Variants in KIF27 observed in about 807,000 individuals in gnomAD.
The protein encoded by KIF27 is kinesin-like protein KIF27.
A neutral mutation model predicts 141.8 loss-of-function variants in KIF27; 84 were observed. That is an observed-to-expected ratio of 0.59 (90% CI 0.50 to 0.71). The LOEUF (loss-of-function observed/expected upper bound fraction) is 0.71, where lower values mean the gene tolerates loss of function less well. Among genes scored for constraint, KIF27 ranks in the 30% least tolerant of loss-of-function variants. KIF27 has a pLI of 0.00. For missense variants in KIF27, 1,306 were observed against 1,628.4 expected, an observed-to-expected ratio of 0.80 and a Z score of 3.41; for synonymous variants, 471 against 569.5, an observed-to-expected ratio of 0.83 and a Z score of 2.46.
chr9:83,894,271 C>T (rs1235563086), intron 5 of KIF27, among the ~76,000 whole-genome samples: 1 of 152,158 alleles, frequency 6.6e-6, no homozygotes, highest in Non-Finnish European at 1.5e-5. Context: ...CAATATCTGA[C>T]AAGAATACTA....
At position 83,865,665 on chromosome 9, in the gene KIF27, A is replaced by C. The variant is rs1419625859; in HGVS notation, c.2934+2019T>G. Among the ~76,000 whole-genome samples, 4 of 152,288 alleles carry C rather than the reference A, an allele frequency of 2.6e-5. No individual in the cohort carries two copies. The South Asian group carries it at 8.3e-4, about 32-fold the overall frequency. On this transcript the variant is annotated intron_variant, in intron 13 of 17. Transcript: ENST00000297814. ...TAATAACTTGTAGTTATTTATAGATAGTCATCTTTTACCACATTGAGGATA... is the reference window on the plus strand; with the variant it reads ...TAATAACTTGTAGTTATTTATAGATCGTCATCTTTTACCACATTGAGGATA...
At chr9:83,841,468 T>G (rs1023222114) in intron 17 of KIF27, among the ~76,000 whole-genome samples, 2 of 152,202 alleles carry the variant, frequency 1.3e-5, no homozygotes, top group Non-Finnish European at 2.9e-5. Flanking sequence ...CATCTTTAAG[T>G]AGTTTTCTTT....
At chr9:83,864,605 A>G (rs1218015545) in intron 13 of KIF27, among the ~76,000 whole-genome samples, 3 of 152,196 alleles carry the variant, frequency 2.0e-5, no homozygotes, top group Non-Finnish European at 2.9e-5. Context: ...TATGTGGTCA[A>G]TTTTGGAATA....
At position 83,837,112 on chromosome 9, in the gene KIF27, T is replaced by C. The variant is rs764214665; in HGVS notation, c.4095A>G (p.Gln1365=). 2.4e-5 allele frequency: 38 copies of C among 1,613,980 alleles called. No individual in the cohort carries two copies. The highest frequency in any genetic ancestry group is 3.2e-5 in the Non-Finnish European group (38 of 1,179,878). Residue 1365 remains glutamine, a synonymous_variant, in exon 18 of 18, where the codon CAA becomes CAG. Transcript: ENST00000297814. The part of the protein sequence containing the change: ...PVKLCRKELR[Q]ISALELSLRR... ...GCAATGATAGTTCCAAGGCGGAAATTTGACGTAATTCTTTTCGACACAGTT... is the reference window on the plus strand; with the variant it reads ...GCAATGATAGTTCCAAGGCGGAAATCTGACGTAATTCTTTTCGACACAGTT...
intron 4 of KIF27, among the ~76,000 whole-genome samples, chr9:83,901,578 A>AT (rs1215242920): frequency 6.6e-6 from 1 of 152,110 alleles, no homozygotes; most frequent in Non-Finnish European, 1.5e-5. Context: ...TCTTACTAAA[A>AT]TTTTTTTGTG....
chr9:83,842,699 C>T (rs549324795), intron 16 of KIF27, among the ~76,000 whole-genome samples: 1 of 152,286 alleles, frequency 6.6e-6, no homozygotes, highest in South Asian at 2.1e-4. Context: ...ATCTCCTGAC[C>T]TCGTGATCCG....
rs1945829570 is a variant in KIF27, at chr9:83,836,319, TGA to T, written c.*680_*681del. Among the ~76,000 whole-genome samples the T allele has an allele frequency of 6.6e-6, 1 of 152,000 alleles. No individual in the cohort carries two copies. The highest frequency in any genetic ancestry group is 6.6e-5 in the Admixed American group (1 of 15,256). ...ATTTCTCCCAGTTTTAGTAACATAATGAGAGATATATTGAGTGTATAGAGCAG... is the reference window on the plus strand; with the variant it reads ...ATTTCTCCCAGTTTTAGTAACATAATGAGATATATTGAGTGTATAGAGCAG... On this transcript the variant is annotated 3_prime_UTR_variant, in exon 18 of 18. Transcript: ENST00000297814.
chr9:83,875,462 G>C (rs1314659907), intron 11 of KIF27, among the ~76,000 whole-genome samples: 2 of 152,120 alleles, frequency 1.3e-5, no homozygotes, highest in Non-Finnish European at 2.9e-5. Flanking sequence ...GAAGAGGTTG[G>C]AGCTCAAAGA....
At chr9:83,876,015 T>G (rs1270212529) in intron 11 of KIF27, among the ~76,000 whole-genome samples, 1 of 151,808 alleles carries the variant, frequency 6.6e-6, no homozygotes, top group East Asian at 1.9e-4. Flanking sequence ...AAAAAAAAGT[T>G]GAAAATAAGA....
chr9:83,900,655 C>A (rs374547529), intron 4 of KIF27, among the ~76,000 whole-genome samples: 5 of 151,300 alleles, frequency 3.3e-5, no homozygotes, highest in African/African-American at 9.7e-5. Context: ...CAGCACAATT[C>A]GCAATTGCAA....
chr9:83,906,414 G>T (rs993385516), intron 3 of KIF27, among the ~76,000 whole-genome samples: 7 of 152,040 alleles, frequency 4.6e-5, no homozygotes, highest in African/African-American at 1.4e-4. Flanking sequence ...CTCCAGGAAG[G>T]TTCCACTAAA....
rs190666787 is a variant in KIF27 at position 83,834,533 on chromosome 9, C to T, written c.*2468G>A. 6.1e-4 allele frequency among the ~76,000 whole-genome samples: 93 copies of T among 152,088 alleles called. No homozygotes were observed. The highest frequency in any genetic ancestry group is 2.2e-3 in the African/African-American group (90 of 41,534). The stretch of plus-strand genomic sequence containing the variant: ...TCATTGTTGTTTTGATATAAATTTT[C>T]TTGCTTTATTAGTGAGTTGGCTTTG... On this transcript the variant is annotated 3_prime_UTR_variant, in exon 18 of 18. Transcript: ENST00000297814.
chr9:83,870,392 C>T (rs1950675111), intron 12 of KIF27, 127 bp downstream of exon 12: 1 of 1,361,640 alleles, frequency 7.3e-7, no homozygotes, highest in African/African-American at 1.5e-5. Context: ...GTCTTGAACT[C>T]CTGACCGCAG....
At chr9:83,839,243 A>G (rs1381671973) in intron 17 of KIF27, among the ~76,000 whole-genome samples, 1 of 152,204 alleles carries the variant, frequency 6.6e-6, no homozygotes, top group Non-Finnish European at 1.5e-5. Flanking sequence ...GATCTTAAGG[A>G]AAGAGTCTCA....
intron 2 of KIF27, 102 bp downstream of exon 2, chr9:83,915,192 A>G (rs1342949768): frequency 4.4e-5 from 38 of 864,146 alleles, no homozygotes; most frequent in Non-Finnish European, 6.2e-5. Context: ...TTCCTTCACT[A>G]TTCAATCAAT....
At chr9:83,840,112 G>A (rs7039941) in intron 17 of KIF27, among the ~76,000 whole-genome samples, 20,341 of 152,028 alleles carry the variant, frequency 0.13, 1,447 homozygotes, top group African/African-American at 0.14. Flanking sequence ...TTATATTAGA[G>A]TAGCATTATG....
intron 2 of KIF27, among the ~76,000 whole-genome samples, chr9:83,911,514 C>T (rs1372004114): frequency 6.6e-6 from 1 of 152,132 alleles, no homozygotes; most frequent in Non-Finnish European, 1.5e-5. Context: ...CAGGCGTGAG[C>T]CACCACACCC....
At chr9:83,855,904 T>A (rs1038290057) in intron 14 of KIF27, among the ~76,000 whole-genome samples, 7 of 152,180 alleles carry the variant, frequency 4.6e-5, no homozygotes, top group Non-Finnish European at 1.0e-4. Context: ...AGTACTGAGA[T>A]AATATAAGGT....
In KIF27 at chr9:83,907,644, A is replaced by C. The variant is rs1359164580; in HGVS notation, c.499+808T>G. On this transcript the variant is annotated intron_variant, in intron 3 of 17. Transcript: ENST00000297814. ...ACCTTGAGGAACACAACAAAAAAAAACAGGTAAATGTCAATATCAAAAAAC... is the reference window on the plus strand; with the variant it reads ...ACCTTGAGGAACACAACAAAAAAAACCAGGTAAATGTCAATATCAAAAAAC... Among the ~76,000 whole-genome samples the C allele has an allele frequency of 2.0e-5, 3 of 152,178 alleles. No homozygotes were observed. The South Asian group carries it at 6.2e-4, about 31-fold the overall frequency.
Sources: gnomAD v4.1 joint callset for allele counts (sites outside exome capture counted in the v4.1 genomes callset) on GRCh38, gnomAD v4.1.1 for gene constraint, MANE v1.5 for transcripts, NCBI Gene and HGNC (gene_info 2026-07-23, HGNC 2026-07-21) for gene names.